Variants in BSPRY observed in about 807,000 individuals in gnomAD.
The protein encoded by BSPRY is B box and SPRY domain-containing protein.
Under a neutral mutation model 38.0 loss-of-function variants are expected in BSPRY, and 33 were observed. That is an observed-to-expected ratio of 0.87 (90% confidence interval 0.66 to 1.16). The LOEUF is 1.16. Among genes scored for constraint, BSPRY ranks in the 50% most tolerant of loss-of-function variants. The pLI, the probability that BSPRY is intolerant of heterozygous loss-of-function variation, is 0.00. For missense variants in BSPRY, 523 were observed against 533.2 expected (o/e 0.98, Z 0.19); for synonymous variants, 224 against 228.5 (o/e 0.98, Z 0.18).
chr9:113,364,052 A>G (rs7046353), intron 4 of BSPRY, among the ~76,000 whole-genome samples: 116,660 of 151,694 alleles, frequency 0.77, 45,115 homozygotes, highest in East Asian at 0.98. Context: ...TAGGTGCGGT[A>G]GCGTACCCCT....
At chr9:113,358,751 C>T (rs539489600) in intron 2 of BSPRY, among the ~76,000 whole-genome samples, 1 of 152,286 alleles carries the variant, frequency 6.6e-6, no homozygotes, top group South Asian at 2.1e-4. Context: ...GTCTTTTAGG[C>T]AGGAATCAGA....
chr9:113,366,419 C>G (rs982462442), intron 4 of BSPRY, among the ~76,000 whole-genome samples: 1 of 152,194 alleles, frequency 6.6e-6, no homozygotes, highest in Non-Finnish European at 1.5e-5. Context: ...CTGAGAAGTG[C>G]CTTGTTGGCT....
chr9:113,357,510 C>A (rs547807748), intron 2 of BSPRY, among the ~76,000 whole-genome samples: 4 of 152,130 alleles, frequency 2.6e-5, no homozygotes, highest in African/African-American at 9.6e-5. Flanking sequence ...TTGTACAGTC[C>A]TCATCAGATT....
chr9:113,359,703 C>A (rs1834117845), intron 2 of BSPRY, among the ~76,000 whole-genome samples: 1 of 152,100 alleles, frequency 6.6e-6, no homozygotes, highest in South Asian at 2.1e-4. Context: ...TACTGAATTG[C>A]CATGTGAGCA....
In BSPRY at chr9:113,349,629, G is replaced by C; in HGVS notation, c.50G>C (p.Gly17Ala). ...EPGPGSGSGP[G>A]PGPLCPEHGQ... ...GGGCCGGGGTCCGGGTCCGGGCCCG[G>C]GCCGGGGCCACTCTGCCCCGAACAC... Residue 17 changes from glycine (G) to alanine (A), a missense_variant, in exon 1 of 6, where the codon GGG (glycine) becomes GCG (alanine). Physicochemically the swap from Gly to Ala is moderately conservative, Grantham distance 60. Transcript: ENST00000374183. 1.7e-6 allele frequency: 2 copies of C among 1,210,666 alleles called. No homozygotes were observed. The highest frequency in any genetic ancestry group is 2.1e-6 in the Non-Finnish European group (2 of 973,248). The allele number at this position is 1,210,666 out of a possible 1,614,324, so 75.0% of individuals were successfully genotyped here. A position where few individuals can be genotyped will look rare whatever the true frequency, so the allele number is the denominator to read the frequency against.
chr9:113,369,696 A>G lies in BSPRY; in HGVS notation c.763A>G (p.Ser255Gly), dbSNP rs946266892. 1.2e-6 allele frequency: 2 copies of G among 1,614,220 alleles called. No individual in the cohort carries two copies. The highest frequency in any genetic ancestry group is 1.6e-4 in the Middle Eastern group (1 of 6,062). Residue 255 changes from serine (S) to glycine (G), a missense_variant, in exon 6 of 6, where the codon AGC becomes GGC. Physicochemically the swap from Ser to Gly is moderately conservative, Grantham distance 56. Coordinates refer to ENST00000374183, the MANE Select transcript of BSPRY (RefSeq NM_017688.3). ...AGATGATCGAAAGACCCTGACCTTC[A>G]GCACCAAGAAGTCAAAGGCCTGTGC... ...LSDDRKTLTF[S>G]TKKSKACADG...
At chr9:113,369,575 AG>A (rs1355284490) in intron 5 of BSPRY, 40 bp from the exon 6 acceptor site, 1 of 1,565,014 alleles carries the variant, frequency 6.4e-7, no homozygotes, top group East Asian at 2.2e-5. Context: ...AGGTTAGGGC[AG>A]GGGTGGGCCC....
chr9:113,362,285 C>A, intron 3 of BSPRY, 84 bp from the exon 4 acceptor site: 1 of 1,486,156 alleles, frequency 6.7e-7, no homozygotes, highest in South Asian at 1.1e-5. Context: ...ACATGGAGCC[C>A]TTTCTGGTAG....
chr9:113,360,737 T>C lies in BSPRY; in HGVS notation c.531T>C (p.Ile177=). ...CTCACCTGGATGACCTCCAGCTGAT[T>C]GTAAGTCAGGCAAGGGTGAGGGCAT... ...MLTHLDDLQL[I]QKEQEIFERT... Residue 177 remains isoleucine, a splice_region_variant and synonymous_variant, in exon 3 of 6, where the codon ATT becomes ATC. Transcript: ENST00000374183. The C allele has an allele frequency of 6.3e-7, 1 of 1,578,558 alleles. No homozygotes were observed. Among genetic ancestry groups the C allele is most frequent in the South Asian group, 1.2e-5 (1 of 86,430 alleles).
intron 4 of BSPRY, among the ~76,000 whole-genome samples, chr9:113,365,552 C>T (rs563675941): frequency 1.3e-5 from 2 of 152,330 alleles, no homozygotes; most frequent in East Asian, 3.9e-4. Flanking sequence ...AAAACCCCAG[C>T]TCAACTTGTG....
intron 4 of BSPRY, 76 bp from the exon 5 acceptor site, chr9:113,368,183 T>A: frequency 6.4e-7 from 1 of 1,562,122 alleles, no homozygotes; most frequent in Non-Finnish European, 8.8e-7. Context: ...CTTCTGTTCT[T>A]CTCTTCACCC....
chr9:113,354,253 A>G lies in BSPRY; in HGVS notation c.215A>G (p.Asp72Gly), dbSNP rs768445660. 8.7e-6 allele frequency: 14 copies of G among 1,613,916 alleles called. No homozygotes were observed. Among genetic ancestry groups the G allele is most frequent in the Non-Finnish European group, 1.1e-5 (13 of 1,179,918 alleles). ...TTTGTGTTGCAGAACAAGATTGTGG[A>G]CCAGTGTGAGAGGCTGCAGTTACAG... ...RAEELRNKIV[D>G]QCERLQLQSA... Residue 72 changes from aspartate (D) to glycine (G), a missense_variant, in exon 2 of 6, where the codon GAC (aspartate) becomes GGC (glycine). Physicochemically the swap from Asp to Gly is moderately conservative, Grantham distance 94 (BLOSUM62 -1). Transcript: ENST00000374183.
chr9:113,356,799 A>C (rs1564335930), intron 2 of BSPRY, among the ~76,000 whole-genome samples: 1 of 152,180 alleles, frequency 6.6e-6, no homozygotes, highest in Non-Finnish European at 1.5e-5. Context: ...TGGAGCAGCC[A>C]TGAACTGGGT....
Position 113,368,283 on chromosome 9 carries a change from G to C in BSPRY, c.582G>C (p.Leu194Phe). The change falls in exon 5 of 6, where the codon TTG becomes TTC. Residue 194 changes from leucine (L) to phenylalanine (F), a missense_variant. Transcript: ENST00000374183. ...GGACCGAAGAAGCAGAGGGCATTTT[G>C]GATCCCCAGGAGTCGGAAATGTTAA... ...FERTEEAEGILDPQESEMLNF... is the reference protein window; with the variant it reads ...FERTEEAEGIFDPQESEMLNF... 6.2e-7 allele frequency: 1 copy of C among 1,614,112 alleles called. No individual in the cohort carries two copies. The highest frequency in any genetic ancestry group is 8.5e-7 in the Non-Finnish European group (1 of 1,180,008).
chr9:113,356,361 A>G (rs1372475547), intron 2 of BSPRY, among the ~76,000 whole-genome samples: 4 of 152,024 alleles, frequency 2.6e-5, no homozygotes, highest in African/African-American at 9.7e-5. Flanking sequence ...AAAAATTAGC[A>G]GGGCATGGTG....
rs112698228 is a variant in BSPRY, at chr9:113,361,610, T to C, written c.532-759T>C. Among the ~76,000 whole-genome samples, 669 of 152,190 alleles carry C rather than the reference T, an allele frequency of 4.4e-3. 4 individuals carry two copies. The highest frequency in any genetic ancestry group is 0.015 in the African/African-American group (608 of 41,500). On this transcript the variant is annotated intron_variant, in intron 3 of 5. Transcript: ENST00000374183. The stretch of plus-strand genomic sequence containing the variant: ...GGGAAGGTTCCCGGATGAAGCGACT[T>C]AGAAGCTGATGCCTGAAAGATAAGA...
At chr9:113,364,947 G>A (rs936755257) in intron 4 of BSPRY, among the ~76,000 whole-genome samples, 1 of 134,524 alleles carries the variant, frequency 7.4e-6, no homozygotes, top group African/African-American at 2.7e-5. Flanking sequence ...TCCTTAGCTT[G>A]TTTTTTTTTT....
At chr9:113,360,379 C>A in intron 2 of BSPRY, 128 bp from the exon 3 acceptor site, 2 of 845,362 alleles carry the variant, frequency 2.4e-6, no homozygotes, top group South Asian at 1.7e-5. Context: ...GCTATTATTT[C>A]CATTACTAAG....
At chr9:113,360,448 T>G in intron 2 of BSPRY, 59 bp from the exon 3 acceptor site, 2 of 1,518,056 alleles carry the variant, frequency 1.3e-6, no homozygotes, top group East Asian at 4.8e-5. Context: ...CTAAACCCTC[T>G]TAAATCCTGA....
Sources: allele counts gnomAD v4.1 joint callset (sites outside exome capture counted in the v4.1 genomes callset), GRCh38; gene constraint gnomAD v4.1.1; transcripts MANE v1.5; gene names NCBI Gene and HGNC (gene_info 2026-07-23, HGNC 2026-07-21).